The following FRMD5 variants were observed in gnomAD, a reference collection of about 807,000 sequenced individuals.
FRMD5 encodes FERM domain containing 5, also known as FERM domain-containing protein 5.
A neutral mutation model predicts 69.0 loss-of-function variants in FRMD5; 20 were observed. The observed-to-expected ratio is 0.29, with a 90% CI of 0.20 to 0.42. The LOEUF is 0.42. Ranked by LOEUF, FRMD5 falls within the 10% of genes least tolerant of loss-of-function variation. The pLI is 1.00. For synonymous variants in FRMD5, 271 were observed against 260.1 expected, an observed-to-expected ratio of 1.04 and a Z score of -0.40; for missense variants, 595 against 708.6, an observed-to-expected ratio of 0.84 and a Z score of 1.82.
At chr15:44,147,406 G>A (rs1018622167) in intron 1 of FRMD5, among the ~76,000 whole-genome samples, 8 of 152,198 alleles carry the variant, frequency 5.3e-5, no homozygotes, top group African/African-American at 1.4e-4. Flanking sequence ...GTCGGGTAGC[G>A]TGATGCCTCC....
intron 1 of FRMD5, chr15:44,064,196 C>A: frequency 5.2e-6 from 1 of 192,736 alleles, no homozygotes; most frequent in Non-Finnish European, 1.1e-5. Context: ...AGGAAGGTCA[C>A]TGGCATGATC....
rs1048213408 is a variant in FRMD5, at chr15:44,195,134, A to C, written c.-80T>G. 23 of 1,092,802 alleles carry C rather than the reference A, an allele frequency of 2.1e-5. No homozygotes were observed. Among genetic ancestry groups the C allele is most frequent in the African/African-American group, 1.4e-4 (8 of 58,180 alleles). 67.7% of individuals were successfully genotyped at this position (1,092,802 alleles called of 1,614,324 possible). A position where few individuals can be genotyped will look rare whatever the true frequency, so the allele number is the denominator to read the frequency against. ...GCGTCCCTCAGCCCGGCAGCTCCGC[A>C]CCGACCCCAGGCACCTGCACCATCA... On this transcript the variant is annotated 5_prime_UTR_variant, in exon 1 of 14. Coordinates refer to ENST00000417257, the MANE Select transcript of FRMD5 (RefSeq NM_032892.5).
At chr15:43,879,163 C>CTGACCTCAAGTGAT (rs1011447073) in intron 13 of FRMD5, among the ~76,000 whole-genome samples, 1 of 152,022 alleles carries the variant, frequency 6.6e-6, no homozygotes, top group Non-Finnish European at 1.5e-5. Flanking sequence ...GTCTGAGCTC[C>CTGACCTCAAGTGAT]TGACCTCAAG....
intron 1 of FRMD5, among the ~76,000 whole-genome samples, chr15:43,951,963 G>A (rs1264833376): frequency 8.2e-6 from 1 of 121,562 alleles, no homozygotes; most frequent in African/African-American, 4.5e-5. Context: ...GTATGTGCAT[G>A]TGTGTGTGTG....
At chr15:43,906,795 G>A (rs1041820830) in intron 5 of FRMD5, among the ~76,000 whole-genome samples, 5 of 142,012 alleles carry the variant, frequency 3.5e-5, no homozygotes, top group Non-Finnish European at 4.4e-5. Flanking sequence ...TAGAGACGGG[G>A]TTTCACCGTG....
At chr15:43,996,234 C>A (rs1447705511) in intron 1 of FRMD5, among the ~76,000 whole-genome samples, 1 of 152,116 alleles carries the variant, frequency 6.6e-6, no homozygotes, top group Non-Finnish European at 1.5e-5. Flanking sequence ...TCTAGCTTGG[C>A]ACTGTGGTGG....
At chr15:43,960,718 A>G (rs1595562498) in intron 1 of FRMD5, among the ~76,000 whole-genome samples, 1 of 152,348 alleles carries the variant, frequency 6.6e-6, no homozygotes, top group Middle Eastern at 3.4e-3. Context: ...AGATCCATAT[A>G]ATGAAAACCA....
intron 1 of FRMD5, among the ~76,000 whole-genome samples, chr15:43,951,990 G>A (rs1375692881): frequency 8.8e-6 from 1 of 113,348 alleles, no homozygotes. Context: ...TTGTGTGTGT[G>A]TGTGTGTGTC....
chr15:44,063,964 T>C lies in FRMD5; in HGVS notation c.102+130989A>G, dbSNP rs1893204279. ...CCTCAAGATTGTCAGTAATGCCTCC[T>C]GTACCACCAATTGCTCAGTTCCCCT... On this transcript the variant is annotated intron_variant, in intron 1 of 13. Coordinates refer to ENST00000417257, the MANE Select transcript of FRMD5 (RefSeq NM_032892.5). The C allele has an allele frequency of 1.6e-5, 4 of 248,636 alleles. No homozygotes were observed. In the South Asian group the frequency reaches 2.1e-4, roughly 13 times the overall value. The allele number at this position is 248,636 out of a possible 1,614,324, so 15.4% of individuals were successfully genotyped here. A position where few individuals can be genotyped will look rare whatever the true frequency, so the allele number is the denominator to read the frequency against.
chr15:44,114,745 T>C (rs759322833), intron 1 of FRMD5, among the ~76,000 whole-genome samples: 1 of 152,194 alleles, frequency 6.6e-6, no homozygotes. Context: ...TCCATGAATA[T>C]TTCATAATAC....
At chr15:44,155,803 C>T (rs955187689) in intron 1 of FRMD5, among the ~76,000 whole-genome samples, 1 of 151,914 alleles carries the variant, frequency 6.6e-6, no homozygotes, top group African/African-American at 2.4e-5. Flanking sequence ...CAACGTTGGC[C>T]AGGCTGGTCT....
chr15:44,167,032 A>T (rs968531289), intron 1 of FRMD5, among the ~76,000 whole-genome samples: 9 of 151,984 alleles, frequency 5.9e-5, no homozygotes, highest in Non-Finnish European at 5.9e-5. Context: ...TTAATTAGCA[A>T]TTTTTTTCTG....
At chr15:44,097,467 C>T (rs1474527341) in intron 1 of FRMD5, among the ~76,000 whole-genome samples, 1 of 152,188 alleles carries the variant, frequency 6.6e-6, no homozygotes, top group Non-Finnish European at 1.5e-5. Flanking sequence ...GTCAACCAGA[C>T]AAGAAGAGGG....
At chr15:44,026,443 T>C (rs1566906291) in intron 1 of FRMD5, among the ~76,000 whole-genome samples, 1 of 152,250 alleles carries the variant, frequency 6.6e-6, no homozygotes, top group Non-Finnish European at 1.5e-5. Context: ...TCATGTTCTA[T>C]CTAGTTTTTT....
At chr15:44,128,514 A>G (rs1333255229) in intron 1 of FRMD5, among the ~76,000 whole-genome samples, 1 of 152,208 alleles carries the variant, frequency 6.6e-6, no homozygotes, top group Non-Finnish European at 1.5e-5. Flanking sequence ...TAAGTTTCAC[A>G]AAGTAGTATC....
chr15:43,947,006 C>T (rs2089957978), intron 1 of FRMD5, among the ~76,000 whole-genome samples: 1 of 152,194 alleles, frequency 6.6e-6, no homozygotes, highest in African/African-American at 2.4e-5. Flanking sequence ...AAAGTACAAG[C>T]TTTTAAATTC....
At chr15:44,054,097 C>A (rs1222626319) in intron 1 of FRMD5, among the ~76,000 whole-genome samples, 4 of 152,192 alleles carry the variant, frequency 2.6e-5, no homozygotes, top group Non-Finnish European at 5.9e-5. Flanking sequence ...TGTGTGCCTT[C>A]TCATGTTCAA....
chr15:44,119,417 C>A (rs1191361496), intron 1 of FRMD5, among the ~76,000 whole-genome samples: 1 of 152,144 alleles, frequency 6.6e-6, no homozygotes, highest in Non-Finnish European at 1.5e-5. Context: ...CCCACCATAA[C>A]TTAACTGGTT....
intron 1 of FRMD5, among the ~76,000 whole-genome samples, chr15:43,942,765 A>G (rs2089883005): frequency 6.6e-6 from 1 of 152,160 alleles, no homozygotes; most frequent in Non-Finnish European, 1.5e-5. Flanking sequence ...ATAAAAGAGA[A>G]TATTTCTTTT....
Sources: allele counts gnomAD v4.1 joint callset (sites outside exome capture counted in the v4.1 genomes callset), GRCh38; gene constraint gnomAD v4.1.1; transcripts MANE v1.5; gene names NCBI Gene and HGNC (gene_info 2026-07-23, HGNC 2026-07-21).